The following TRIM21 variants were observed in gnomAD, a reference collection of about 807,000 sequenced individuals.
TRIM21 encodes tripartite motif containing 21, also known as E3 ubiquitin-protein ligase TRIM21.
In TRIM21, 35 loss-of-function variants were observed where a neutral mutation model predicts 36.1. The ratio of observed to expected loss-of-function variants is 0.97; its 90% CI spans 0.74 to 1.28. The LOEUF (loss-of-function observed/expected upper bound fraction) is 1.28. Ranked by LOEUF, TRIM21 falls within the 50% of genes most tolerant of loss-of-function variation. TRIM21 has a pLI of 0.00. For synonymous variants in TRIM21, 256 were observed against 211.5 expected, an observed-to-expected ratio of 1.21 and a Z score of -1.83; for missense variants, 635 against 570.7, an observed-to-expected ratio of 1.11 and a Z score of -1.15.
intron 1 of TRIM21, among the ~76,000 whole-genome samples, chr11:4,392,819 T>C (rs541594813): frequency 1.3e-5 from 2 of 152,240 alleles, no homozygotes; most frequent in African/African-American, 4.8e-5. Flanking sequence ...TCATGTCCAT[T>C]CCTGCTTAAA....
chr11:4,389,340 C>T (rs2094959999), intron 3 of TRIM21, among the ~76,000 whole-genome samples: 2 of 152,316 alleles, frequency 1.3e-5, no homozygotes, highest in East Asian at 1.9e-4. Flanking sequence ...TCTCACACAT[C>T]CAGGTGCTGA....
At chr11:4,389,802 G>T in intron 2 of TRIM21, 53 bp from the exon 3 acceptor site, 1 of 1,564,342 alleles carries the variant, frequency 6.4e-7, no homozygotes, top group Non-Finnish European at 8.8e-7. Flanking sequence ...TAATAGGGTG[G>T]GGTAATCCTT....
rs1205991720 is a variant in TRIM21 at position 4,385,292 on chromosome 11, T to C, written c.1421A>G (p.Asp474Gly). The C allele has an allele frequency of 6.2e-7, 1 of 1,610,192 alleles. No homozygotes were observed. The highest frequency in any genetic ancestry group is 8.5e-7 in the Non-Finnish European group (1 of 1,178,458). ...PLNIGSQGST[D>G]Y ...AGTGTCCAGAGAAAGCCATCAATAG[T>C]CAGTGGATCCTTGTGATCCAATATT... Residue 474 changes from aspartate (D) to glycine (G), a missense_variant, in exon 7 of 7, where the codon GAC (aspartate) becomes GGC (glycine). By Grantham distance (94) the Asp-to-Gly change is moderately conservative (BLOSUM62 -1). Coordinates refer to ENST00000254436, the MANE Select transcript of TRIM21 (RefSeq NM_003141.4).
chr11:4,393,161 A>G (rs1000284862), intron 1 of TRIM21, among the ~76,000 whole-genome samples: 4 of 152,130 alleles, frequency 2.6e-5, no homozygotes, highest in Non-Finnish European at 1.5e-5. Flanking sequence ...AACATCCTAA[A>G]CAGCCTGCCC....
intron 4 of TRIM21, among the ~76,000 whole-genome samples, chr11:4,387,608 C>T (rs1276618134): frequency 6.6e-6 from 1 of 152,082 alleles, no homozygotes; most frequent in Non-Finnish European, 1.5e-5. Flanking sequence ...GTAATCCCAG[C>T]ACTTTGGGAG....
At chr11:4,392,827 A>G (rs1181058009) in intron 1 of TRIM21, among the ~76,000 whole-genome samples, 2 of 152,168 alleles carry the variant, frequency 1.3e-5, no homozygotes, top group East Asian at 3.9e-4. Context: ...ATTCCTGCTT[A>G]AACCCTCAGT....
intron 4 of TRIM21, among the ~76,000 whole-genome samples, 155 bp downstream of exon 4, chr11:4,388,145 C>T (rs970787715): frequency 6.6e-6 from 1 of 152,248 alleles, no homozygotes. Flanking sequence ...CTTTACTTTG[C>T]GTCTTGAACG....
chr11:4,390,078 C>T lies in TRIM21; in HGVS notation c.332G>A (p.Cys111Tyr). 6.2e-7 allele frequency: 1 copy of T among 1,614,020 alleles called. No individual in the cohort carries two copies. The highest frequency in any genetic ancestry group is 8.5e-7 in the Non-Finnish European group (1 of 1,179,884). ...TTTCCGAGACTGGGCACATACCCAG[C>T]AAAGGGCCTTCCCATCTTTCTCACA... is the stretch of plus-strand genomic sequence containing the variant. ...LFCEKDGKALCWVCAQSRKHR... is the reference protein window; with the variant it reads ...LFCEKDGKALYWVCAQSRKHR... The change falls in exon 2 of 7, where the codon TGC becomes TAC. Residue 111 changes from cysteine (C) to tyrosine (Y), a missense_variant. Transcript: ENST00000254436.
chr11:4,390,032 G>A lies in TRIM21; in HGVS notation c.378C>T (p.Val126=). The stretch of plus-strand genomic sequence containing the variant: ...ACTCCTGTGCAGCCTCCTCAAGAGG[G>A]ACCATGGCGTGGTCACGGTGTTTCC... The part of the protein sequence containing the change: ...QSRKHRDHAM[V]PLEEAAQEYQ... Residue 126 remains valine, a synonymous_variant, in exon 2 of 7, where the codon GTC becomes GTT. Coordinates refer to ENST00000254436, the MANE Select transcript of TRIM21 (RefSeq NM_003141.4). The A allele has an allele frequency of 3.1e-6, 5 of 1,613,872 alleles. No homozygotes were observed. The highest frequency in any genetic ancestry group is 3.4e-6 in the Non-Finnish European group (4 of 1,179,842).
Position 4,386,978 on chromosome 11 carries a change from C to G in TRIM21, c.748G>C (p.Val250Leu). The change falls in exon 5 of 7, where the codon GTC becomes CTC. Residue 250 changes from valine (V) to leucine (L), a missense_variant. Transcript: ENST00000254436. ...ALELLQEVII[V>L]LERSESWNLK... ...AAAACTCCTCCTTACCTTTCCAGGACAATTATCACCTCCTGAGGAGAAAAG... is the reference window on the plus strand; with the variant it reads ...AAAACTCCTCCTTACCTTTCCAGGAGAATTATCACCTCCTGAGGAGAAAAG... 6.3e-7 allele frequency: 1 copy of G among 1,582,910 alleles called. No homozygotes were observed. Among genetic ancestry groups the G allele is most frequent in the South Asian group, 1.2e-5 (1 of 86,354 alleles).
intron 5 of TRIM21, 190 bp from the exon 6 acceptor site, chr11:4,386,447 G>A: frequency 4.7e-6 from 3 of 642,194 alleles, no homozygotes; most frequent in Non-Finnish European, 8.4e-6. Flanking sequence ...AGGAGTTCCT[G>A]GTTATAGGAG....
chr11:4,388,327 G>A lies in TRIM21; in HGVS notation c.708C>T (p.Cys236=). 1 of 1,613,796 alleles carries A rather than the reference G, an allele frequency of 6.2e-7. No individual in the cohort carries two copies. Among genetic ancestry groups the A allele is most frequent in the East Asian group, 2.2e-5 (1 of 44,870 alleles). The change falls in exon 4 of 7, where the codon TGC becomes TGT. Residue 236 remains cysteine (C), a synonymous_variant. Coordinates refer to ENST00000254436, the MANE Select transcript of TRIM21 (RefSeq NM_003141.4). Reference sequence around the variant, plus strand: ...GCAGCAGTTCCAGTGCTGAGCTGTGGCACCTTCGATCTAGCTCTGAGATGA... The same window carrying A: ...GCAGCAGTTCCAGTGCTGAGCTGTGACACCTTCGATCTAGCTCTGAGATGA... ...QELISELDRR[C]HSSALELLQE...
Position 4,390,267 on chromosome 11 carries a change from C to T in TRIM21, c.143G>A (p.Gly48Asp), listed in dbSNP as rs906767685. Residue 48 changes from glycine to aspartate, a missense_variant, in exon 2 of 7, where the codon GGC becomes GAC. Physicochemically the swap from Gly to Asp is moderately conservative, Grantham distance 94. Coordinates refer to ENST00000254436, the MANE Select transcript of TRIM21 (RefSeq NM_003141.4). ...CTGCCGGCACACAGGACAGACGCTG[C>T]CCCCACCTTTCCCAACCTGAGAGAT... is the stretch of plus-strand genomic sequence containing the variant. ...ECISQVGKGGGSVCPVCRQRF... is the reference protein window; with the variant it reads ...ECISQVGKGGDSVCPVCRQRF... 4 of 1,613,852 alleles carry T rather than the reference C, an allele frequency of 2.5e-6. No homozygotes were observed. The highest frequency in any genetic ancestry group is 1.3e-5 in the African/African-American group (1 of 74,904).
chr11:4,385,377 A>C lies in TRIM21; in HGVS notation c.1336T>G (p.Phe446Val), dbSNP rs199881122. 1.9e-6 allele frequency: 3 copies of C among 1,613,694 alleles called. No homozygotes were observed. Among genetic ancestry groups the C allele is most frequent in the Non-Finnish European group, 2.5e-6 (3 of 1,179,852 alleles). The stretch of plus-strand genomic sequence containing the variant: ...CCTCCATCATTGAAACCAGGACTGA[A>C]GAAGGGCCGCAGAGGTCCTGTAAAG... Reference protein sequence around the residue: ...CAFTGPLRPFFSPGFNDGGKN... With the variant: ...CAFTGPLRPFVSPGFNDGGKN... The change falls in exon 7 of 7, where the codon TTC (phenylalanine) becomes GTC (valine). Residue 446 changes from phenylalanine to valine, a missense_variant. Transcript: ENST00000254436.
intron 1 of TRIM21, among the ~76,000 whole-genome samples, chr11:4,393,336 C>T (rs956339187): frequency 6.6e-6 from 1 of 152,012 alleles, no homozygotes; most frequent in Admixed American, 6.5e-5. Context: ...GGGCCCCTTC[C>T]CCTTCTGGGT....
chr11:4,386,309 T>A (rs766590297), intron 5 of TRIM21, 52 bp from the exon 6 acceptor site: 2 of 1,408,244 alleles, frequency 1.4e-6, no homozygotes, highest in Admixed American at 1.7e-5. Context: ...TCCCAAACCC[T>A]AACACTATAA....
At chr11:4,390,578 A>G (rs2094961961) in intron 1 of TRIM21, 120 bp from the exon 2 acceptor site, 1 of 679,052 alleles carries the variant, frequency 1.5e-6, no homozygotes, top group African/African-American at 1.8e-5. Flanking sequence ...GGAAAAAACA[A>G]TCCTAAAATT....
intron 1 of TRIM21, among the ~76,000 whole-genome samples, chr11:4,392,747 C>T (rs2094964517): frequency 1.3e-5 from 2 of 152,114 alleles, no homozygotes; most frequent in South Asian, 2.1e-4. Context: ...GAAACTGAGT[C>T]CCTAAAAGAG....
intron 1 of TRIM21, 77 bp from the exon 2 acceptor site, chr11:4,390,535 A>G (rs1362653114): frequency 3.5e-6 from 3 of 864,706 alleles, no homozygotes; most frequent in African/African-American, 1.7e-5. Context: ...CATAATCCCT[A>G]TCAAAATACC....
Sources: allele counts gnomAD v4.1 joint callset (sites outside exome capture counted in the v4.1 genomes callset), GRCh38; gene constraint gnomAD v4.1.1; transcripts MANE v1.5; gene names NCBI Gene and HGNC (gene_info 2026-07-23, HGNC 2026-07-21).